Variants in ZC3H6 observed in about 807,000 individuals in gnomAD.
The protein encoded by ZC3H6 is zinc finger CCCH-type containing 6, also known as zinc finger CCCH domain-containing protein 6.
ZC3H6 carries 40 observed loss-of-function variants against 107.7 expected under a neutral mutation model. That is an observed-to-expected ratio of 0.37 (90% CI 0.29 to 0.48). ZC3H6 has a LOEUF of 0.48. Among genes scored for constraint, ZC3H6 ranks in the 20% least tolerant of loss-of-function variants. The pLI, the probability that ZC3H6 is intolerant of heterozygous loss-of-function variation, is 0.98. For synonymous variants in ZC3H6, 493 were observed against 487.9 expected, an observed-to-expected ratio of 1.01 and a Z score of -0.14; for missense variants, 1,267 against 1,410.4, an observed-to-expected ratio of 0.90 and a Z score of 1.63.
chr2:112,286,433 C>A (rs1686608532), intron 1 of ZC3H6: 2 of 158,646 alleles, frequency 1.3e-5, no homozygotes, highest in Admixed American at 6.5e-5. Flanking sequence ...CTTGGCGACC[C>A]AGCGCATAAC....
chr2:112,303,167 AT>A, intron 2 of ZC3H6, 61 bp from the exon 3 acceptor site: 1 of 1,559,158 alleles, frequency 6.4e-7, no homozygotes, highest in Non-Finnish European at 8.7e-7. Flanking sequence ...AGCTTATCTA[AT>A]TACTAGTTAA....
intron 7 of ZC3H6, 136 bp from the exon 8 acceptor site, chr2:112,321,620 T>A: frequency 2.0e-6 from 1 of 496,610 alleles, no homozygotes; most frequent in Non-Finnish European, 3.6e-6. Context: ...TACAATACAG[T>A]ATTGTTGACT....
At chr2:112,294,414 G>T (rs1436412510) in intron 1 of ZC3H6, among the ~76,000 whole-genome samples, 1 of 152,190 alleles carries the variant, frequency 6.6e-6, no homozygotes, top group East Asian at 1.9e-4. Context: ...TTTGCTCCTG[G>T]ACTGCAAAGA....
intron 1 of ZC3H6, among the ~76,000 whole-genome samples, chr2:112,292,901 G>A (rs199911734): frequency 2.0e-5 from 3 of 152,124 alleles, no homozygotes; most frequent in African/African-American, 4.8e-5. Flanking sequence ...CCTGGAAGAC[G>A]TGAGAAGTCT....
At chr2:112,279,846 T>G (rs1308290525) in intron 1 of ZC3H6, among the ~76,000 whole-genome samples, 1 of 152,254 alleles carries the variant, frequency 6.6e-6, no homozygotes, top group African/African-American at 2.4e-5. Flanking sequence ...AACCCAGGTA[T>G]TATTATTTTC....
intron 1 of ZC3H6, among the ~76,000 whole-genome samples, chr2:112,280,255 A>C (rs1438272997): frequency 6.6e-6 from 1 of 152,196 alleles, no homozygotes; most frequent in African/African-American, 2.4e-5. Flanking sequence ...CTGACTAGCC[A>C]TTAACTTACT....
Position 112,331,337 on chromosome 2 carries a change from T to A in ZC3H6, c.2419T>A (p.Leu807Met). The A allele has an allele frequency of 6.2e-7, 1 of 1,613,676 alleles. No individual in the cohort carries two copies. Among genetic ancestry groups the A allele is most frequent in the Non-Finnish European group, 8.5e-7 (1 of 1,179,884 alleles). ...TTCTGTTGGTGGAGCAAAGTTTGATTTGCATCATGCAAATGCTGGCACTAA... is the reference window on the plus strand; with the variant it reads ...TTCTGTTGGTGGAGCAAAGTTTGATATGCATCATGCAAATGCTGGCACTAA... ...GSSVGGAKFD[L>M]HHANAGTNVK... Residue 807 changes from leucine (L) to methionine (M), a missense_variant, in exon 12 of 12, where the codon TTG becomes ATG. Transcript: ENST00000409871.
At chr2:112,312,928 T>G (rs1676620135) in intron 5 of ZC3H6, among the ~76,000 whole-genome samples, 1 of 152,100 alleles carries the variant, frequency 6.6e-6, no homozygotes, top group South Asian at 2.1e-4. Flanking sequence ...TACTATAATT[T>G]GAAAATGCTT....
At chr2:112,285,960 CAAAA>C in intron 1 of ZC3H6, 1 of 162,944 alleles carries the variant, frequency 6.1e-6, no homozygotes, top group Non-Finnish European at 1.3e-5. Context: ...GTCTCCGTCT[CAAAA>C]AAAAAAAAAT....
intron 11 of ZC3H6, 144 bp downstream of exon 11, chr2:112,325,341 A>G: frequency 1.4e-6 from 1 of 724,400 alleles, no homozygotes; most frequent in Non-Finnish European, 2.3e-6. Context: ...TAAAAATGCA[A>G]AAATTAGGTG....
rs1376587428 is a variant in ZC3H6 at position 112,295,789 on chromosome 2, A to G, written c.33-4060A>G. On this transcript the variant is annotated intron_variant, in intron 1 of 11. Transcript: ENST00000409871. ...AAATTTTAAAAGCTTGCAGTGTTTT[A>G]TATCTCGTAACAAATATAAATGACC... is the stretch of plus-strand genomic sequence containing the variant. Among the ~76,000 whole-genome samples, 6 of 152,342 alleles carry G rather than the reference A, an allele frequency of 3.9e-5. No individual in the cohort carries two copies. The South Asian group carries it at 1.0e-3, about 26-fold the overall frequency.
At chr2:112,317,453 C>T (rs1345291650) in intron 7 of ZC3H6, 121 bp downstream of exon 7, 6 of 549,618 alleles carry the variant, frequency 1.1e-5, no homozygotes, top group Non-Finnish European at 6.2e-6. Context: ...TAAAACAACA[C>T]ATTACATAAA....
rs1677083245 is a variant in ZC3H6, at chr2:112,333,790, AT to A, written c.*1305del. The A allele has an allele frequency of 6.6e-6, 1 of 152,138 alleles. No individual in the cohort carries two copies. The highest frequency in any genetic ancestry group is 6.6e-5 in the Admixed American group (1 of 15,264). The allele number at this position is 152,138 out of a possible 1,614,324, so 9.4% of individuals were successfully genotyped here. A position where few individuals can be genotyped will look rare whatever the true frequency, so the allele number is the denominator to read the frequency against. The stretch of plus-strand genomic sequence containing the variant: ...GTGTATTAATAACTTGAAAAGGAGC[AT>A]TTCACTATAAAAGATAATGAAGTAG... On this transcript the variant is annotated 3_prime_UTR_variant, in exon 12 of 12. Transcript: ENST00000409871.
intron 1 of ZC3H6, among the ~76,000 whole-genome samples, chr2:112,295,796 G>A (rs1049345651): frequency 2.8e-4 from 42 of 152,064 alleles, no homozygotes; most frequent in African/African-American, 7.7e-4. Flanking sequence ...TTTATATCTC[G>A]TAACAAATAT....
At chr2:112,293,095 AAAGT>A (rs763520591) in intron 1 of ZC3H6, among the ~76,000 whole-genome samples, 6 of 152,348 alleles carry the variant, frequency 3.9e-5, no homozygotes, top group South Asian at 2.1e-4. Context: ...ACTTGTAACA[AAAGT>A]AAGTAAGAAA....
chr2:112,307,404 A>G (rs1676496070), intron 3 of ZC3H6, among the ~76,000 whole-genome samples: 1 of 152,094 alleles, frequency 6.6e-6, no homozygotes, highest in Non-Finnish European at 1.5e-5. Flanking sequence ...CTATCCCTGC[A>G]GACATTCTAG....
At chr2:112,305,641 AAT>A (rs1329633058) in intron 3 of ZC3H6, among the ~76,000 whole-genome samples, 1 of 152,154 alleles carries the variant, frequency 6.6e-6, no homozygotes, top group Non-Finnish European at 1.5e-5. Flanking sequence ...TCTGAGTTTT[AAT>A]ATGATACCAT....
At chr2:112,296,980 C>T (rs968329133) in intron 1 of ZC3H6, among the ~76,000 whole-genome samples, 2 of 152,048 alleles carry the variant, frequency 1.3e-5, no homozygotes, top group Admixed American at 1.3e-4. Context: ...AAACTGCATC[C>T]GAAATACTGA....
At chr2:112,309,696 A>T (rs1676558610) in intron 3 of ZC3H6, among the ~76,000 whole-genome samples, 189 bp from the exon 4 acceptor site, 2 of 152,232 alleles carry the variant, frequency 1.3e-5, no homozygotes. Flanking sequence ...TAATTATCTC[A>T]GGGTAACATT....
Sources: gnomAD v4.1 joint callset for allele counts (sites outside exome capture counted in the v4.1 genomes callset) on GRCh38, gnomAD v4.1.1 for gene constraint, MANE v1.5 for transcripts, NCBI Gene and HGNC (gene_info 2026-07-23, HGNC 2026-07-21) for gene names.